ITFG1: variants seen among roughly 807,000 people sequenced by gnomAD.
ITFG1 encodes T-cell immunomodulatory protein.
A neutral mutation model predicts 81.8 loss-of-function variants in ITFG1; 34 were observed. The ratio of observed to expected loss-of-function variants is 0.42; its 90% CI spans 0.32 to 0.55. ITFG1 has a LOEUF of 0.55. Ranked by LOEUF, ITFG1 falls within the 20% of genes least tolerant of loss-of-function variation. The pLI is 0.17. For missense variants in ITFG1, 672 were observed against 755.4 expected, an observed-to-expected ratio of 0.89 and a Z score of 1.29; for synonymous variants, 285 against 270.6, an observed-to-expected ratio of 1.05 and a Z score of -0.52.
chr16:47,175,934 G>A (rs1352827133), intron 14 of ITFG1, among the ~76,000 whole-genome samples: 2 of 152,142 alleles, frequency 1.3e-5, no homozygotes, highest in African/African-American at 4.8e-5. Context: ...CAAGTCCAGG[G>A]TGTGCTTCAT....
intron 13 of ITFG1, among the ~76,000 whole-genome samples, chr16:47,221,876 G>A (rs551631208): frequency 6.6e-6 from 1 of 152,168 alleles, no homozygotes; most frequent in South Asian, 2.1e-4. Context: ...TTGCGTAGAG[G>A]TGTTTGTAGT....
At chr16:47,184,531 C>T (rs548005255) in intron 14 of ITFG1, among the ~76,000 whole-genome samples, 1 of 152,078 alleles carries the variant, frequency 6.6e-6, no homozygotes, top group South Asian at 2.1e-4. Flanking sequence ...CCAAACTAAG[C>T]TTCATAAGTG....
intron 14 of ITFG1, among the ~76,000 whole-genome samples, chr16:47,181,772 C>T (rs905112692): frequency 3.8e-4 from 58 of 152,256 alleles, no homozygotes; most frequent in African/African-American, 1.3e-3. Context: ...ATTGAGAAAT[C>T]GGATGTTTGC....
intron 12 of ITFG1, among the ~76,000 whole-genome samples, chr16:47,248,224 T>C (rs1966025188): frequency 2.0e-5 from 3 of 152,204 alleles, no homozygotes; most frequent in Admixed American, 2.0e-4. Flanking sequence ...CTTTCATTGC[T>C]GCAGCTTCTT....
intron 13 of ITFG1, among the ~76,000 whole-genome samples, chr16:47,233,921 C>T (rs893184805): frequency 6.6e-6 from 1 of 152,206 alleles, no homozygotes; most frequent in Non-Finnish European, 1.5e-5. Context: ...GAAACCGACA[C>T]ACCAGAGGAG....
At chr16:47,348,032 A>G (rs1474037863) in intron 8 of ITFG1, among the ~76,000 whole-genome samples, 1 of 152,216 alleles carries the variant, frequency 6.6e-6, no homozygotes, top group Non-Finnish European at 1.5e-5. Flanking sequence ...AACAAACAGA[A>G]AGGACATCCA....
At chr16:47,327,053 C>T (rs979630954) in intron 8 of ITFG1, among the ~76,000 whole-genome samples, 2 of 152,198 alleles carry the variant, frequency 1.3e-5, no homozygotes, top group African/African-American at 4.8e-5. Flanking sequence ...GTGGAGGCAT[C>T]ACGCTACCTG....
chr16:47,294,054 A>G (rs1966949630), intron 10 of ITFG1, among the ~76,000 whole-genome samples: 1 of 152,078 alleles, frequency 6.6e-6, no homozygotes, highest in Non-Finnish European at 1.5e-5. Flanking sequence ...GGTGAGATAT[A>G]GGGGTCTAGT....
chr16:47,226,639 T>G (rs1965761759), intron 13 of ITFG1, among the ~76,000 whole-genome samples: 1 of 151,314 alleles, frequency 6.6e-6, no homozygotes, highest in South Asian at 2.1e-4. Context: ...TTTTTCTCCT[T>G]GCGACAGTTC....
intron 10 of ITFG1, chr16:47,263,330 G>C: frequency 2.1e-6 from 1 of 474,086 alleles, no homozygotes; most frequent in Admixed American, 2.2e-5. Context: ...AATGGAGCAG[G>C]CCTATGATCT....
chr16:47,417,893 C>T (rs1342629648), intron 6 of ITFG1, among the ~76,000 whole-genome samples: 1 of 152,104 alleles, frequency 6.6e-6, no homozygotes, highest in Non-Finnish European at 1.5e-5. Context: ...GATAAATACC[C>T]ATTGGTGGGA....
intron 12 of ITFG1, among the ~76,000 whole-genome samples, chr16:47,241,418 G>A (rs750206480): frequency 7.9e-5 from 12 of 152,152 alleles, no homozygotes; most frequent in Non-Finnish European, 1.8e-4. Context: ...AATGATGACT[G>A]GATAAACAAA....
At chr16:47,176,401 C>T (rs893898299) in intron 14 of ITFG1, among the ~76,000 whole-genome samples, 3 of 151,902 alleles carry the variant, frequency 2.0e-5, no homozygotes, top group Non-Finnish European at 2.9e-5. Flanking sequence ...ATTTGGAGAA[C>T]GGCAAGCTGG....
rs372019372 is a variant in ITFG1 at position 47,297,447 on chromosome 16, C to T, written c.1070+13793G>A. 3.9e-4 allele frequency among the ~76,000 whole-genome samples: 60 copies of T among 152,202 alleles called. 1 individual carries two copies. In the Middle Eastern group the frequency reaches 0.01, roughly 26 times the overall value. On this transcript the variant is annotated intron_variant, in intron 10 of 17. Coordinates refer to ENST00000320640, the MANE Select transcript of ITFG1 (RefSeq NM_030790.5). ...AAGGTTAATATTTTATACTTTCCCG[C>T]ACTTTTATGGTGGTAAGTACTAACC...
intron 5 of ITFG1, among the ~76,000 whole-genome samples, chr16:47,436,058 T>G (rs1447747919): frequency 1.3e-5 from 2 of 152,116 alleles, no homozygotes; most frequent in East Asian, 3.9e-4. Flanking sequence ...ATTCAGAAAT[T>G]GTACATCTTT....
chr16:47,442,832 T>C (rs1010470545), intron 5 of ITFG1, among the ~76,000 whole-genome samples: 9 of 152,180 alleles, frequency 5.9e-5, no homozygotes, highest in African/African-American at 1.9e-4. Flanking sequence ...ATTCAGGATA[T>C]AGGCATGGGC....
At chr16:47,428,783 C>A in intron 6 of ITFG1, 21 bp downstream of exon 6, 2 of 1,483,170 alleles carry the variant, frequency 1.3e-6, no homozygotes, top group Admixed American at 1.7e-5. Context: ...CAAAACAATT[C>A]CAGATTTATG....
At chr16:47,180,541 CCTGA>C (rs1490096089) in intron 14 of ITFG1, among the ~76,000 whole-genome samples, 3 of 152,124 alleles carry the variant, frequency 2.0e-5, no homozygotes, top group South Asian at 2.1e-4. Context: ...CGCCGCCACG[CCTGA>C]CTGTTTTTCG....
intron 5 of ITFG1, among the ~76,000 whole-genome samples, chr16:47,443,154 T>C (rs1052183757): frequency 1.2e-4 from 19 of 152,290 alleles, no homozygotes; most frequent in African/African-American, 4.1e-4. Flanking sequence ...AAAATGCTCA[T>C]CATCACTGGC....
Sources: allele counts gnomAD v4.1 joint callset (sites outside exome capture counted in the v4.1 genomes callset), GRCh38; gene constraint gnomAD v4.1.1; transcripts MANE v1.5; gene names NCBI Gene and HGNC (gene_info 2026-07-23, HGNC 2026-07-21).